The following CNTN3 variants were observed in gnomAD, a reference collection of about 807,000 sequenced individuals.
The protein encoded by CNTN3 is contactin-3.
CNTN3 carries 60 observed loss-of-function variants against 119.1 expected under a neutral mutation model. The observed-to-expected ratio is 0.50, with a 90% confidence interval of 0.41 to 0.62. CNTN3 has a LOEUF of 0.62. Ranked by LOEUF, CNTN3 falls within the 20% of genes least tolerant of loss-of-function variation. The probability of loss-of-function intolerance (pLI) is 0.00; values close to 1 mark genes in which losing one functional copy is unlikely to be tolerated. For missense variants in CNTN3, 1,101 were observed against 1,242.4 expected (o/e 0.89, Z 1.71); for synonymous variants, 450 against 438.7 (o/e 1.03, Z -0.32).
chr3:74,324,906 G>A (rs922100862), intron 13 of CNTN3, among the ~76,000 whole-genome samples: 10 of 152,078 alleles, frequency 6.6e-5, no homozygotes, highest in African/African-American at 2.2e-4. Flanking sequence ...TATATATATC[G>A]GGAATTTGTG....
chr3:74,336,112 T>C (rs1045091109), intron 12 of CNTN3, among the ~76,000 whole-genome samples: 2 of 152,120 alleles, frequency 1.3e-5, no homozygotes, highest in African/African-American at 4.8e-5. Flanking sequence ...CATGAATGGA[T>C]AAATGAATAA....
intron 2 of CNTN3, among the ~76,000 whole-genome samples, chr3:74,516,208 C>G (rs970988272): frequency 6.9e-6 from 1 of 143,954 alleles, no homozygotes; most frequent in African/African-American, 2.9e-5. Flanking sequence ...CATGGGCAGG[C>G]CTGGAATGCA....
intron 4 of CNTN3, among the ~76,000 whole-genome samples, chr3:74,479,855 T>C (rs1559624229): frequency 1.3e-5 from 2 of 152,058 alleles, no homozygotes; most frequent in South Asian, 2.1e-4. Context: ...GAATATCTGA[T>C]TACATCTCAA....
At chr3:74,395,397 G>A (rs1391941022) in intron 5 of CNTN3, among the ~76,000 whole-genome samples, 2 of 144,246 alleles carry the variant, frequency 1.4e-5, no homozygotes, top group African/African-American at 2.5e-5. Context: ...ACACACACAC[G>A]ACTGGAAATA....
chr3:74,365,809 A>T, intron 8 of CNTN3, 107 bp from the exon 9 acceptor site: 1 of 1,251,142 alleles, frequency 8.0e-7, no homozygotes, highest in Non-Finnish European at 1.1e-6. Flanking sequence ...GGACATGATA[A>T]TGAGTAACAG....
intron 4 of CNTN3, among the ~76,000 whole-genome samples, chr3:74,465,094 T>C (rs1034228761): frequency 1.3e-5 from 2 of 152,204 alleles, no homozygotes; most frequent in Non-Finnish European, 2.9e-5. Context: ...ATTGATCCTG[T>C]TCAAATTTGT....
intron 14 of CNTN3, among the ~76,000 whole-genome samples, chr3:74,302,354 C>G (rs766250229): frequency 2.6e-5 from 4 of 152,118 alleles, no homozygotes; most frequent in Non-Finnish European, 5.9e-5. Context: ...TACAATTATT[C>G]CCAAATCCTG....
chr3:74,477,343 T>C (rs754851355), intron 4 of CNTN3, among the ~76,000 whole-genome samples: 3 of 152,072 alleles, frequency 2.0e-5, no homozygotes, highest in Admixed American at 6.6e-5. Flanking sequence ...AATTATTTTT[T>C]GGCAAATGAG....
At chr3:74,504,918 T>C (rs976681680) in intron 2 of CNTN3, among the ~76,000 whole-genome samples, 2 of 152,152 alleles carry the variant, frequency 1.3e-5, no homozygotes, top group Non-Finnish European at 2.9e-5. Flanking sequence ...ACAGAATTTT[T>C]TGTCTCACAG....
At chr3:74,588,629 A>C (rs926766290) in intron 1 of CNTN3, among the ~76,000 whole-genome samples, 1 of 152,084 alleles carries the variant, frequency 6.6e-6, no homozygotes, top group African/African-American at 2.4e-5. Flanking sequence ...TGGAACCAAA[A>C]AAGAGCCCGC....
chr3:74,360,762 C>T (rs1704056457), intron 11 of CNTN3, among the ~76,000 whole-genome samples: 1 of 152,130 alleles, frequency 6.6e-6, no homozygotes, highest in Non-Finnish European at 1.5e-5. Context: ...CCCCTTCCCT[C>T]ATCTTCACAG....
At chr3:74,299,463 AT>A (rs1229746901) in intron 17 of CNTN3, among the ~76,000 whole-genome samples, 1 of 152,166 alleles carries the variant, frequency 6.6e-6, no homozygotes, top group Non-Finnish European at 1.5e-5. Flanking sequence ...TTGGAAAGTC[AT>A]AAGGGGAGCT....
chr3:74,609,329 A>G (rs80184028), intron 1 of CNTN3, among the ~76,000 whole-genome samples: 2,372 of 152,258 alleles, frequency 0.016, 55 homozygotes, highest in African/African-American at 0.053. Context: ...CAAGAAAGAG[A>G]GTGAGGAGAA....
chr3:74,561,638 A>G (rs1704155877), intron 1 of CNTN3, among the ~76,000 whole-genome samples: 1 of 152,074 alleles, frequency 6.6e-6, no homozygotes, highest in Non-Finnish European at 1.5e-5. Context: ...CCCCCACTAC[A>G]AATCATTGCT....
At chr3:74,546,972 T>C (rs756243732) in intron 1 of CNTN3, among the ~76,000 whole-genome samples, 2 of 152,194 alleles carry the variant, frequency 1.3e-5, no homozygotes, top group Non-Finnish European at 2.9e-5. Context: ...AAATTAACTT[T>C]TTATTTTATG....
rs1575663035 is a variant in CNTN3 at position 74,365,786 on chromosome 3, G to C, written c.947-84C>G. Reference sequence around the variant, plus strand: ...ATTTATTATTTTATTATCTTACCTGGATTAATAGAAATGGACATGATAATG... The same window carrying C: ...ATTTATTATTTTATTATCTTACCTGCATTAATAGAAATGGACATGATAATG... On this transcript the variant is annotated intron_variant, in intron 8 of 22. Transcript: ENST00000263665. 2.8e-6 allele frequency: 4 copies of C among 1,440,106 alleles called. 1 individual carries two copies. The East Asian group carries it at 9.3e-5, about 34-fold the overall frequency. 89.2% of individuals were successfully genotyped at this position (1,440,106 alleles called of 1,614,324 possible). A position where few individuals can be genotyped will look rare whatever the true frequency, so the allele number is the denominator to read the frequency against.
chr3:74,406,454 T>A (rs1705325103), intron 5 of CNTN3, among the ~76,000 whole-genome samples: 1 of 152,108 alleles, frequency 6.6e-6, no homozygotes, highest in Non-Finnish European at 1.5e-5. Flanking sequence ...TTTACCTTTG[T>A]TATTTAAACA....
intron 13 of CNTN3, among the ~76,000 whole-genome samples, chr3:74,303,814 T>C (rs549906415): frequency 6.6e-6 from 1 of 152,294 alleles, no homozygotes; most frequent in Admixed American, 6.5e-5. Flanking sequence ...ATGGACCTCA[T>C]TTTAAGAGCA....
At chr3:74,475,110 T>TC (rs1475749507) in intron 4 of CNTN3, among the ~76,000 whole-genome samples, 2 of 152,188 alleles carry the variant, frequency 1.3e-5, no homozygotes, top group South Asian at 4.1e-4. Flanking sequence ...AACAGACTAA[T>TC]ACATGTGCCT....
Sources: gnomAD v4.1 joint callset for allele counts (sites outside exome capture counted in the v4.1 genomes callset) on GRCh38, gnomAD v4.1.1 for gene constraint, MANE v1.5 for transcripts, NCBI Gene and HGNC (gene_info 2026-07-23, HGNC 2026-07-21) for gene names.